Variants in CDR2L observed in about 807,000 individuals in gnomAD.
CDR2L encodes the protein cerebellar degeneration related protein 2 like.
Under a neutral mutation model 36.1 loss-of-function variants are expected in CDR2L, and 19 were observed. That is an observed-to-expected ratio of 0.53 (90% CI 0.37 to 0.77). The LOEUF (loss-of-function observed/expected upper bound fraction) is 0.77. Among genes scored for constraint, CDR2L ranks in the 30% least tolerant of loss-of-function variants. The pLI is 0.00. For synonymous variants in CDR2L, 285 were observed against 280.4 expected (o/e 1.02, Z -0.16); for missense variants, 575 against 627.2 (o/e 0.92, Z 0.89).
chr17:74,990,237 G>C (rs2039788695), intron 1 of CDR2L, among the ~76,000 whole-genome samples: 1 of 152,190 alleles, frequency 6.6e-6, no homozygotes, highest in Non-Finnish European at 1.5e-5. Context: ...TGCCGGGAGG[G>C]ATGGGCCCGG....
rs1014145367 is a variant in CDR2L, at chr17:75,002,924, C to T, written c.507-259C>T. Among the ~76,000 whole-genome samples, 2 of 152,212 alleles carry T rather than the reference C, an allele frequency of 1.3e-5. No homozygotes were observed. Among genetic ancestry groups the T allele is most frequent in the Admixed American group, 6.5e-5 (1 of 15,274 alleles). ...TCTGCTCCCCCCTCGGACCTCTAGC[C>T]AGTGCCTCTCATGGGCCAAGCTCAG... On this transcript the variant is annotated intron_variant, in intron 4 of 4. Coordinates refer to ENST00000337231, the MANE Select transcript of CDR2L (RefSeq NM_014603.3). The surrounding 1 kb of genome is among the most constrained non-coding windows in gnomAD (Gnocchi z 4.1).
intron 1 of CDR2L, among the ~76,000 whole-genome samples, chr17:74,997,480 C>G (rs139995477): frequency 1.5e-3 from 221 of 152,270 alleles, no homozygotes; most frequent in Non-Finnish European, 1.4e-3. Context: ...GCACCTTGCC[C>G]CTATGTCCGT....
In CDR2L at chr17:75,001,238, G is replaced by T. The variant is rs2039864605; in HGVS notation, c.193-103G>T. The T allele has an allele frequency of 4.2e-6, 5 of 1,189,854 alleles. No individual in the cohort carries two copies. The East Asian group carries it at 1.1e-4, about 26-fold the overall frequency. 73.7% of individuals were successfully genotyped at this position (1,189,854 alleles called of 1,614,324 possible). On this transcript the variant is annotated intron_variant, in intron 2 of 4. Coordinates refer to ENST00000337231, the MANE Select transcript of CDR2L (RefSeq NM_014603.3). ...AACACAGTGAGACTCTGTATCAAAA[G>T]AAAAGAAAAGAAAAAAGACAAAAAA...
At chr17:74,994,567 C>T (rs368888795) in intron 1 of CDR2L, among the ~76,000 whole-genome samples, 1 of 152,114 alleles carries the variant, frequency 6.6e-6, no homozygotes, top group Non-Finnish European at 1.5e-5. Flanking sequence ...AGGAATTGGG[C>T]GGTGATTTGC....
chr17:75,000,764 A>G (rs1000034106), intron 2 of CDR2L, among the ~76,000 whole-genome samples: 2 of 151,284 alleles, frequency 1.3e-5, no homozygotes, highest in Non-Finnish European at 2.9e-5. Context: ...AATGCAAAAA[A>G]TTAGCCAGGC....
At chr17:74,997,315 G>C (rs956009929) in intron 1 of CDR2L, among the ~76,000 whole-genome samples, 3 of 152,072 alleles carry the variant, frequency 2.0e-5, no homozygotes, top group African/African-American at 7.2e-5. Context: ...CTGACCTCAA[G>C]TGATCTTCCC....
intron 1 of CDR2L, among the ~76,000 whole-genome samples, chr17:74,998,675 T>A (rs1374127198): frequency 6.6e-6 from 1 of 152,050 alleles, no homozygotes; most frequent in African/African-American, 2.4e-5. Flanking sequence ...TGACTTTGAA[T>A]CAAGTGATTG....
At chr17:74,997,347 G>A (rs2144862160) in intron 1 of CDR2L, among the ~76,000 whole-genome samples, 1 of 152,098 alleles carries the variant, frequency 6.6e-6, no homozygotes, top group African/African-American at 2.4e-5. Context: ...CCAAAGTGCT[G>A]GGATTACGGC....
At position 75,005,223 on chromosome 17, in the gene CDR2L, T is replaced by C. The variant is rs1490370779; in HGVS notation, c.*1149T>C. On this transcript the variant is annotated 3_prime_UTR_variant, in exon 5 of 5. Coordinates refer to ENST00000337231, the MANE Select transcript of CDR2L (RefSeq NM_014603.3). The surrounding 1 kb of genome is among the most constrained non-coding windows in gnomAD (Gnocchi z 4.2). ...CACCTCCCACCTTTGTGGGGGGCTT[T>C]TGAGGACCCAGCTGCGTCAGGAGTT... The C allele has an allele frequency of 6.6e-6, 1 of 152,320 alleles. No individual in the cohort carries two copies. Among genetic ancestry groups the C allele is most frequent in the African/African-American group, 2.4e-5 (1 of 41,410 alleles). The allele number at this position is 152,320 out of a possible 1,614,324, so 9.4% of individuals were successfully genotyped here.
Position 75,002,191 on chromosome 17 carries a change from A to G in CDR2L, c.469A>G (p.Thr157Ala). The part of the protein sequence containing the change: ...EKRERRRTIH[T>A]FPCLKELCTS... Reference sequence around the variant, plus strand: ...GCGGGAACGCAGGCGTACCATCCACACCTTCCCCTGCCTCAAGGAGCTGTG... The same window carrying G: ...GCGGGAACGCAGGCGTACCATCCACGCCTTCCCCTGCCTCAAGGAGCTGTG... Residue 157 changes from threonine (T) to alanine (A), a missense_variant, in exon 4 of 5, where the codon ACC (threonine) becomes GCC (alanine). By Grantham distance (58) the Thr-to-Ala change is moderately conservative. Transcript: ENST00000337231. The surrounding 1 kb of genome is among the most constrained non-coding windows in gnomAD (Gnocchi z 4.1). 1 of 1,608,980 alleles carries G rather than the reference A, an allele frequency of 6.2e-7. No homozygotes were observed. The highest frequency in any genetic ancestry group is 8.5e-7 in the Non-Finnish European group (1 of 1,177,946).
At chr17:74,998,081 C>T (rs2039841960) in intron 1 of CDR2L, among the ~76,000 whole-genome samples, 1 of 152,072 alleles carries the variant, frequency 6.6e-6, no homozygotes, top group Admixed American at 6.5e-5. Context: ...ATTAGCCAGG[C>T]ATGGTGGCGG....
Position 75,002,296 on chromosome 17 carries a change from G to T in CDR2L, c.506+68G>T. On this transcript the variant is annotated intron_variant, in intron 4 of 4. Transcript: ENST00000337231. The surrounding 1 kb of genome is among the most constrained non-coding windows in gnomAD (Gnocchi z 4.1). ...TGGGAGGAAGGAGAGGCAGCAGGCA[G>T]CAGGGTGCAGTTGGTGCATCATCCA... is the stretch of plus-strand genomic sequence containing the variant. 1.4e-6 allele frequency: 2 copies of T among 1,421,198 alleles called. No homozygotes were observed. The highest frequency in any genetic ancestry group is 2.5e-5 in the South Asian group (2 of 80,140). The allele number at this position is 1,421,198 out of a possible 1,614,324, so 88.0% of individuals were successfully genotyped here. A position where few individuals can be genotyped will look rare whatever the true frequency, so the allele number is the denominator to read the frequency against.
At chr17:75,000,457 C>T (rs1027855597) in intron 2 of CDR2L, among the ~76,000 whole-genome samples, 1 of 150,386 alleles carries the variant, frequency 6.6e-6, no homozygotes, top group East Asian at 2.0e-4. Context: ...CCACCGCACC[C>T]GGTTAATTTT....
Position 75,003,798 on chromosome 17 carries a change from C to CCGGCAGCACGGGGCCGGAGTG in CDR2L, c.1128_1148dup (p.Gln376_Arg382dup). 5 of 1,533,846 alleles carry CCGGCAGCACGGGGCCGGAGTG rather than the reference C, an allele frequency of 3.3e-6. No homozygotes were observed. The highest frequency in any genetic ancestry group is 4.4e-6 in the Non-Finnish European group (5 of 1,138,426). On this transcript the variant is annotated inframe_insertion, in exon 5 of 5. Transcript: ENST00000337231. ...AGTACGAGGAGCTGCTGAGCAAGTG[C>CCGGCAGCACGGGGCCGGAGTG]CGGCAGCACGGGGCCGGAGTGCGGC...
intron 2 of CDR2L, 52 bp from the exon 3 acceptor site, chr17:75,001,289 C>A: frequency 6.5e-7 from 1 of 1,542,350 alleles, no homozygotes; most frequent in South Asian, 1.3e-5. Context: ...TAGGCAGAGA[C>A]ATTTGCCCCT....
In CDR2L at chr17:75,003,096, C is replaced by T; in HGVS notation, c.507-87C>T. 2.1e-6 allele frequency: 3 copies of T among 1,399,180 alleles called. No individual in the cohort carries two copies. The South Asian group carries it at 4.0e-5, about 19-fold the overall frequency. The allele number at this position is 1,399,180 out of a possible 1,614,324, so 86.7% of individuals were successfully genotyped here. A position where few individuals can be genotyped will look rare whatever the true frequency, so the allele number is the denominator to read the frequency against. On this transcript the variant is annotated intron_variant, in intron 4 of 4. Transcript: ENST00000337231. ...AGAGAACAAGAGAGATGTAAGCGCC[C>T]TGGCTGGGCTGCTCGGCCTTGGCCG...
At position 75,002,294 on chromosome 17, in the gene CDR2L, C is replaced by G; in HGVS notation, c.506+66C>G. On this transcript the variant is annotated intron_variant, in intron 4 of 4. Coordinates refer to ENST00000337231, the MANE Select transcript of CDR2L (RefSeq NM_014603.3). This position sits in a 1 kb window ranked among gnomAD's most constrained non-coding sequence, Gnocchi z 4.1. ...CATGGGAGGAAGGAGAGGCAGCAGG[C>G]AGCAGGGTGCAGTTGGTGCATCATC... 2 of 1,414,588 alleles carry G rather than the reference C, an allele frequency of 1.4e-6. No homozygotes were observed. Among genetic ancestry groups the G allele is most frequent in the Non-Finnish European group, 1.9e-6 (2 of 1,031,850 alleles). The allele number at this position is 1,414,588 out of a possible 1,614,324, so 87.6% of individuals were successfully genotyped here.
At chr17:74,993,988 G>T (rs2039811318) in intron 1 of CDR2L, among the ~76,000 whole-genome samples, 2 of 152,170 alleles carry the variant, frequency 1.3e-5, no homozygotes, top group African/African-American at 4.8e-5. Context: ...GGCAATGTCA[G>T]TTCTGCCCCC....
chr17:75,004,238 C>A lies in CDR2L; in HGVS notation c.*164C>A. 1 of 631,692 alleles carries A rather than the reference C, an allele frequency of 1.6e-6. No homozygotes were observed. The allele number at this position is 631,692 out of a possible 1,614,324, so 39.1% of individuals were successfully genotyped here. On this transcript the variant is annotated 3_prime_UTR_variant, in exon 5 of 5. Transcript: ENST00000337231. ...CATGTTCCCTGCTGAGCGGAGGCAG[C>A]CCACCTGTCCTGCCTCCCAGGAGCC... is the stretch of plus-strand genomic sequence containing the variant.
Sources: gnomAD v4.1 joint callset for allele counts (sites outside exome capture counted in the v4.1 genomes callset) on GRCh38, gnomAD v4.1.1 for gene constraint, Gnocchi (gnomAD v3.1) non-coding constraint, MANE v1.5 for transcripts, NCBI Gene and HGNC (gene_info 2026-07-23, HGNC 2026-07-21) for gene names.